The following AFF3 variants were observed in gnomAD, a reference collection of about 807,000 sequenced individuals.
AFF3 encodes the protein AF4/FMR2 family member 3.
A neutral mutation model predicts 129.7 loss-of-function variants in AFF3; 32 were observed. The ratio of observed to expected loss-of-function variants is 0.25; its 90% confidence interval spans 0.19 to 0.33. The LOEUF (loss-of-function observed/expected upper bound fraction) is 0.33. Among genes scored for constraint, AFF3 ranks in the 10% least tolerant of loss-of-function variants. The pLI, the probability that AFF3 is intolerant of heterozygous loss-of-function variation, is 1.00. For missense variants in AFF3, 1,373 were observed against 1,592.0 expected (o/e 0.86, Z 2.34); for synonymous variants, 644 against 635.4 (o/e 1.01, Z -0.20).
chr2:99,604,885 C>T lies in AFF3; in HGVS notation c.1185-3264G>A, dbSNP rs77367575. On this transcript the variant is annotated intron_variant, in intron 13 of 24. Coordinates refer to ENST00000672756, the MANE Select transcript of AFF3 (RefSeq NM_001386135.1). ...CCATTGGACATCATAGAAAACCAAT[C>T]AGTATATTCTATCTGCTTTCACTCA... Among the ~76,000 whole-genome samples the T allele has an allele frequency of 2.1e-4, 32 of 152,326 alleles. 1 individual carries two copies. The highest frequency in any genetic ancestry group is 7.7e-4 in the African/African-American group (32 of 41,580).
chr2:99,615,556 C>A (rs1681337958), intron 13 of AFF3, among the ~76,000 whole-genome samples: 1 of 152,232 alleles, frequency 6.6e-6, no homozygotes, highest in Admixed American at 6.5e-5. Flanking sequence ...GTGGCCTGGG[C>A]CCAGCCATGA....
intron 8 of AFF3, among the ~76,000 whole-genome samples, chr2:99,762,537 G>T (rs1297044976): frequency 1.3e-5 from 2 of 152,124 alleles, no homozygotes; most frequent in Non-Finnish European, 2.9e-5. Context: ...CTCTTCGAGG[G>T]AAGGGATCAT....
chr2:99,602,100 G>A (rs184051580), intron 13 of AFF3, among the ~76,000 whole-genome samples: 23 of 152,338 alleles, frequency 1.5e-4, no homozygotes, highest in African/African-American at 5.1e-4. Context: ...GGGCTGTCAG[G>A]AAGGGCACGG....
intron 7 of AFF3, among the ~76,000 whole-genome samples, chr2:99,973,739 T>C (rs1678613632): frequency 6.6e-6 from 1 of 152,016 alleles, no homozygotes; most frequent in African/African-American, 2.4e-5. Context: ...AAATAATTGC[T>C]CCAGGTACAG....
At chr2:99,675,104 C>A (rs1011461061) in intron 11 of AFF3, among the ~76,000 whole-genome samples, 1 of 152,142 alleles carries the variant, frequency 6.6e-6, no homozygotes, top group African/African-American at 2.4e-5. Flanking sequence ...AGAGTTCAAC[C>A]TTGCTTTGTG....
At chr2:99,828,330 T>G (rs915346048) in intron 8 of AFF3, among the ~76,000 whole-genome samples, 1 of 152,150 alleles carries the variant, frequency 6.6e-6, no homozygotes, top group Non-Finnish European at 1.5e-5. Flanking sequence ...CATAGTTTGG[T>G]TACTGTGATC....
chr2:99,567,126 C>A lies in AFF3; in HGVS notation c.2983-1503G>T, dbSNP rs1347198105. The stretch of plus-strand genomic sequence containing the variant: ...GGGATTACAGGTGTGCACCACCACA[C>A]CTGGCTCATTTTTTTTTTTTTTTTT... On this transcript the variant is annotated intron_variant, in intron 19 of 24. Transcript: ENST00000672756. Among the ~76,000 whole-genome samples the A allele has an allele frequency of 2.1e-5, 3 of 143,868 alleles. No homozygotes were observed. The East Asian group carries it at 6.1e-4, about 29-fold the overall frequency. The allele number at this position is 143,868 out of a possible 152,430, so 94.4% of individuals were successfully genotyped here.
At chr2:99,981,460 A>G (rs1406265192) in intron 7 of AFF3, among the ~76,000 whole-genome samples, 1 of 152,242 alleles carries the variant, frequency 6.6e-6, no homozygotes, top group African/African-American at 2.4e-5. Flanking sequence ...CATAAAGTTA[A>G]CAACTATTTA....
intron 7 of AFF3, among the ~76,000 whole-genome samples, chr2:99,991,727 A>T (rs1331940748): frequency 6.6e-6 from 1 of 151,990 alleles, no homozygotes; most frequent in Admixed American, 6.6e-5. Flanking sequence ...ACATGGTGAA[A>T]CCCCGTGTCT....
At position 99,550,502 on chromosome 2, in the gene AFF3, C is replaced by A. The variant is rs1218858116; in HGVS notation, c.*972G>T. The A allele has an allele frequency of 1.3e-5, 3 of 231,582 alleles. No homozygotes were observed. Among genetic ancestry groups the A allele is most frequent in the Non-Finnish European group, 2.6e-5 (3 of 117,044 alleles). 14.3% of individuals were successfully genotyped at this position (231,582 alleles called of 1,614,324 possible). ...AATGGCCTCATTTAGCCAAGAAAAT[C>A]TGTAAGAAAGCTATTGGTGGAAAGA... On this transcript the variant is annotated 3_prime_UTR_variant, in exon 25 of 25. Coordinates refer to ENST00000672756, the MANE Select transcript of AFF3 (RefSeq NM_001386135.1).
At chr2:99,983,746 T>C (rs17436955) in intron 7 of AFF3, among the ~76,000 whole-genome samples, 2 of 152,108 alleles carry the variant, frequency 1.3e-5, no homozygotes, top group Non-Finnish European at 2.9e-5. Flanking sequence ...TTGTTCTGCA[T>C]TGGTCTGAGT....
intron 7 of AFF3, among the ~76,000 whole-genome samples, chr2:99,934,203 T>C (rs983659689): frequency 6.6e-6 from 1 of 152,002 alleles, no homozygotes; most frequent in Non-Finnish European, 1.5e-5. Flanking sequence ...CTGGTGGGAG[T>C]AGGATCTAGA....
chr2:99,645,532 C>A (rs1005335816), intron 13 of AFF3, among the ~76,000 whole-genome samples: 4 of 152,128 alleles, frequency 2.6e-5, no homozygotes, highest in Admixed American at 2.0e-4. Context: ...CTCTCACACA[C>A]CCCTTCTTGT....
chr2:99,594,713 T>G (rs185294912), intron 14 of AFF3, among the ~76,000 whole-genome samples: 1 of 152,116 alleles, frequency 6.6e-6, no homozygotes, highest in Non-Finnish European at 1.5e-5. Context: ...ACTTAAAACT[T>G]TGGGGAGATC....
intron 10 of AFF3, among the ~76,000 whole-genome samples, chr2:99,728,733 A>G (rs952814404): frequency 3.3e-5 from 5 of 152,248 alleles, no homozygotes; most frequent in African/African-American, 1.2e-4. Flanking sequence ...AACTGCCTTG[A>G]TAACAAACAT....
chr2:99,611,944 A>G (rs536779058), intron 13 of AFF3, among the ~76,000 whole-genome samples: 57 of 152,204 alleles, frequency 3.7e-4, no homozygotes, highest in African/African-American at 1.2e-3. Context: ...TTCACTACAG[A>G]GAACTGGCTT....
chr2:99,984,059 G>C lies in AFF3; in HGVS notation c.873+22573C>G, dbSNP rs1679638175. 2.0e-5 allele frequency among the ~76,000 whole-genome samples: 3 copies of C among 152,190 alleles called. No homozygotes were observed. The South Asian group carries it at 6.2e-4, about 32-fold the overall frequency. Reference sequence around the variant, plus strand: ...ACATAAAATGAAACAAAATATAGAAGGGTTTTGCCCCCAGATTGTAAGAAT... The same window carrying C: ...ACATAAAATGAAACAAAATATAGAACGGTTTTGCCCCCAGATTGTAAGAAT... On this transcript the variant is annotated intron_variant, in intron 7 of 24. Transcript: ENST00000672756.
intron 12 of AFF3, among the ~76,000 whole-genome samples, chr2:99,663,015 G>C (rs1686380063): frequency 6.6e-6 from 1 of 152,116 alleles, no homozygotes; most frequent in African/African-American, 2.4e-5. Flanking sequence ...GAAGAAAAAT[G>C]CAACTAAGGA....
chr2:100,001,389 T>C (rs1413872803), intron 7 of AFF3, among the ~76,000 whole-genome samples: 1 of 152,228 alleles, frequency 6.6e-6, no homozygotes, highest in African/African-American at 2.4e-5. Context: ...ACTGAAGTTT[T>C]TTCATGTTAA....
Sources: gnomAD v4.1 joint callset for allele counts (sites outside exome capture counted in the v4.1 genomes callset) on GRCh38, gnomAD v4.1.1 for gene constraint, MANE v1.5 for transcripts, NCBI Gene and HGNC (gene_info 2026-07-23, HGNC 2026-07-21) for gene names.